Variants in SYT8 observed in about 807,000 individuals in gnomAD.
SYT8 encodes synaptotagmin 8.
Under a neutral mutation model 34.9 loss-of-function variants are expected in SYT8, and 50 were observed. The observed-to-expected ratio is 1.43, with a 90% confidence interval of 1.14 to 1.81. SYT8 has a LOEUF of 1.81. Among genes scored for constraint, SYT8 ranks in the 40% most tolerant of loss-of-function variants. The pLI is 0.00. For synonymous variants in SYT8, 255 were observed against 234.2 expected, an observed-to-expected ratio of 1.09 and a Z score of -0.81; for missense variants, 595 against 529.0, an observed-to-expected ratio of 1.12 and a Z score of -1.22.
intron 3 of SYT8, 56 bp from the exon 4 acceptor site, chr11:1,836,070 G>C: frequency 6.4e-7 from 1 of 1,557,380 alleles, no homozygotes. Flanking sequence ...TGCCCTGGGT[G>C]GTGGGGAGCT....
chr11:1,836,300 T>C lies in SYT8; in HGVS notation c.516+16T>C. 1 of 1,528,874 alleles carries C rather than the reference T, an allele frequency of 6.5e-7. No individual in the cohort carries two copies. Among genetic ancestry groups the C allele is most frequent in the Non-Finnish European group, 8.8e-7 (1 of 1,138,892 alleles). The allele number at this position is 1,528,874 out of a possible 1,614,324, so 94.7% of individuals were successfully genotyped here. A position where few individuals can be genotyped will look rare whatever the true frequency, so the allele number is the denominator to read the frequency against. The stretch of plus-strand genomic sequence containing the variant: ...CTGCTTCCACGTGAGTCAGGGATGG[T>C]CGGCTGGGTGGGCCTGGACGGCTGG... On this transcript the variant is annotated intron_variant, in intron 4 of 7. Transcript: ENST00000341958.
Position 1,835,486 on chromosome 11 carries a change from G to A in SYT8, c.258+27G>A, listed in dbSNP as rs765718738. The A allele has an allele frequency of 2.5e-6, 4 of 1,606,354 alleles. No individual in the cohort carries two copies. The South Asian group carries it at 4.4e-5, about 18-fold the overall frequency. ...TGAGGAGCGGCTCCTTGCTCACTCA[G>A]TCCAGAGAGGGCTTGAAATCCAGGC... On this transcript the variant is annotated intron_variant, in intron 2 of 7. Transcript: ENST00000341958.
chr11:1,836,616 C>T (rs1262143833), intron 5 of SYT8, 24 bp downstream of exon 5: 12 of 1,604,748 alleles, frequency 7.5e-6, no homozygotes, highest in Non-Finnish European at 9.4e-6. Context: ...CACCAGGCCA[C>T]AGCCCAAGGC....
chr11:1,835,786 G>T, intron 2 of SYT8, 100 bp from the exon 3 acceptor site: 1 of 1,057,950 alleles, frequency 9.5e-7, no homozygotes. Flanking sequence ...CCTGGAGGCG[G>T]GGGGTCTTGA....
chr11:1,835,440 GCAC>G lies in SYT8; in HGVS notation c.250_252del (p.Thr84del), dbSNP rs750140123. On this transcript the variant is annotated inframe_deletion, in exon 2 of 8. Coordinates refer to ENST00000341958, the MANE Select transcript of SYT8 (RefSeq NM_001394072.1). The stretch of plus-strand genomic sequence containing the variant: ...TCCGTGGGTCTGGGCAGTGCCCGCG[GCAC>G]CACCACCACCCACCTGGTGAGGAGC... The G allele has an allele frequency of 1.9e-6, 3 of 1,609,434 alleles. No homozygotes were observed. The highest frequency in any genetic ancestry group is 1.3e-5 in the African/African-American group (1 of 74,910).
In SYT8 at chr11:1,836,004, A is replaced by G. The variant is rs775433782; in HGVS notation, c.357+20A>G. Reference sequence around the variant, plus strand: ...CAGGAGGTGAAGGGCCCCGCTGCGCAGGACCAGCGGTTCTGCGAGTTTCCG... The same window carrying G: ...CAGGAGGTGAAGGGCCCCGCTGCGCGGGACCAGCGGTTCTGCGAGTTTCCG... On this transcript the variant is annotated intron_variant, in intron 3 of 7. Coordinates refer to ENST00000341958, the MANE Select transcript of SYT8 (RefSeq NM_001394072.1). The G allele has an allele frequency of 5.0e-6, 8 of 1,599,556 alleles. No homozygotes were observed. In the South Asian group the frequency reaches 8.9e-5, roughly 18 times the overall value.
chr11:1,835,675 T>C lies in SYT8; in HGVS notation c.259-211T>C, dbSNP rs573890769. 6.8e-6 allele frequency: 5 copies of C among 739,172 alleles called. No individual in the cohort carries two copies. The South Asian group carries it at 8.6e-5, about 13-fold the overall frequency. The allele number at this position is 739,172 out of a possible 1,614,324, so 45.8% of individuals were successfully genotyped here. A position where few individuals can be genotyped will look rare whatever the true frequency, so the allele number is the denominator to read the frequency against. The stretch of plus-strand genomic sequence containing the variant: ...ATGGGCCCGAGGGAGCCACAGCGGG[T>C]TCTTGAGGAAGGCAGGGGGTACCCC... On this transcript the variant is annotated intron_variant, in intron 2 of 7. Coordinates refer to ENST00000341958, the MANE Select transcript of SYT8 (RefSeq NM_001394072.1).
upstream of SYT8, among the ~76,000 whole-genome samples, chr11:1,832,669 C>T (rs1039761936): frequency 1.4e-4 from 21 of 152,138 alleles, no homozygotes; most frequent in African/African-American, 4.8e-4. Context: ...GGGGTCCCGG[C>T]GGTCCGGAGG....
chr11:1,837,441 A>T lies in SYT8; in HGVS notation c.*10A>T. The T allele has an allele frequency of 4.4e-6, 7 of 1,604,580 alleles. 1 individual carries two copies. The South Asian group carries it at 7.7e-5, about 18-fold the overall frequency. On this transcript the variant is annotated 3_prime_UTR_variant, in exon 8 of 8. Coordinates refer to ENST00000341958, the MANE Select transcript of SYT8 (RefSeq NM_001394072.1). ...CTTGCCCCACTCCTGAATGCACCAC[A>T]TGCCTCTGTCTCCCCGCTGAGCCCA...
At chr11:1,835,668 C>A in intron 2 of SYT8, 1 of 744,392 alleles carries the variant, frequency 1.3e-6, no homozygotes, top group Non-Finnish European at 2.2e-6. Context: ...GAGGGAGCCA[C>A]AGCGGGTTCT....
chr11:1,836,068 G>C, intron 3 of SYT8, 58 bp from the exon 4 acceptor site: 5 of 1,559,302 alleles, frequency 3.2e-6, no homozygotes, highest in Non-Finnish European at 4.3e-6. Context: ...CATGCCCTGG[G>C]TGGTGGGGAG....
upstream of SYT8, chr11:1,834,345 G>T (rs2059870604): frequency 1.8e-6 from 1 of 557,876 alleles, no homozygotes; most frequent in African/African-American, 2.0e-5. The surrounding 1 kb of genome is among the most constrained non-coding windows in gnomAD (Gnocchi z 4.5). Flanking sequence ...TCCAGGCAGC[G>T]GCTGAGTCAG....
At chr11:1,832,233 C>A (rs908899826), upstream of SYT8, among the ~76,000 whole-genome samples, 2 of 151,992 alleles carry the variant, frequency 1.3e-5, no homozygotes, top group African/African-American at 4.8e-5. Flanking sequence ...GAGGGTGAGT[C>A]GGATGGGGAT....
intron 4 of SYT8, 26 bp downstream of exon 4, chr11:1,836,310 G>C (rs368839375): frequency 6.6e-7 from 1 of 1,515,202 alleles, no homozygotes; most frequent in Admixed American, 2.1e-5. Flanking sequence ...TCGGCTGGGT[G>C]GGCCTGGACG....
upstream of SYT8, among the ~76,000 whole-genome samples, chr11:1,832,173 G>C (rs1846691150): frequency 6.6e-6 from 1 of 152,210 alleles, no homozygotes; most frequent in South Asian, 2.1e-4. Context: ...TGGGGGTCCT[G>C]GGGTGACCAG....
At position 1,835,057 on chromosome 11, in the gene SYT8, G is replaced by C. The variant is rs1846824264; in HGVS notation, c.-49G>C. On this transcript the variant is annotated 5_prime_UTR_variant, in exon 1 of 8. Transcript: ENST00000341958. ...AGGGGCCGGAGGGGCCACCCTCCCA[G>C]CTGACCCAGCCTCCTGGGCCGCTTC... is the stretch of plus-strand genomic sequence containing the variant. 6.3e-7 allele frequency: 1 copy of C among 1,599,462 alleles called. No homozygotes were observed. Among genetic ancestry groups the C allele is most frequent in the South Asian group, 1.1e-5 (1 of 90,596 alleles).
intron 5 of SYT8, 53 bp from the exon 6 acceptor site, chr11:1,836,703 C>T (rs570871802): frequency 1.8e-5 from 29 of 1,596,686 alleles, no homozygotes; most frequent in African/African-American, 1.2e-4. Flanking sequence ...GGTCTGAGCC[C>T]CAACTCGGCC....
chr11:1,835,817 C>T (rs770876981), intron 2 of SYT8, 69 bp from the exon 3 acceptor site: 236 of 1,382,468 alleles, frequency 1.7e-4, no homozygotes, highest in Non-Finnish European at 2.1e-4. Flanking sequence ...GCAAGGGCTG[C>T]CCGGGAGCCC....
intron 5 of SYT8, 26 bp downstream of exon 5, chr11:1,836,618 G>A: frequency 6.2e-7 from 1 of 1,605,928 alleles, no homozygotes; most frequent in South Asian, 1.1e-5. Context: ...CCAGGCCACA[G>A]CCCAAGGCAG....
Sources: allele counts gnomAD v4.1 joint callset (sites outside exome capture counted in the v4.1 genomes callset), GRCh38; gene constraint gnomAD v4.1.1; non-coding constraint Gnocchi (gnomAD v3.1); transcripts MANE v1.5; gene names NCBI Gene and HGNC (gene_info 2026-07-23, HGNC 2026-07-21).